Variants in MIR2052HG observed in about 807,000 individuals in gnomAD.
The protein encoded by MIR2052HG is MIR2052 host gene.
chr8:74,705,165 T>C (rs1410009181), intron 4 of MIR2052HG, among the ~76,000 whole-genome samples: 1 of 152,022 alleles, frequency 6.6e-6, no homozygotes, highest in Non-Finnish European at 1.5e-5. Context: ...TTTTGATTTC[T>C]AATTCAGACA....
At chr8:74,674,790 A>C (rs977668460) in intron 2 of MIR2052HG, among the ~76,000 whole-genome samples, 1 of 151,870 alleles carries the variant, frequency 6.6e-6, no homozygotes, top group Admixed American at 6.6e-5. Context: ...CCTGTTAATT[A>C]CTATACATTA....
At chr8:74,601,911 A>C (rs1487991554) in intron 1 of MIR2052HG, among the ~76,000 whole-genome samples, 1 of 152,222 alleles carries the variant, frequency 6.6e-6, no homozygotes, top group African/African-American at 2.4e-5. Flanking sequence ...TCCAAGTGAA[A>C]AGCAGATTAT....
intron 4 of MIR2052HG, among the ~76,000 whole-genome samples, chr8:74,715,938 A>G (rs193060094): frequency 1.3e-5 from 2 of 152,344 alleles, no homozygotes; most frequent in Admixed American, 6.5e-5. Context: ...TCAACTCTAA[A>G]TAATTTCTAA....
At position 74,666,195 on chromosome 8, in the gene MIR2052HG, T is replaced by C. The variant is rs561574036; in HGVS notation, n.217-36184T>C. On this transcript the variant is annotated intron_variant and non_coding_transcript_variant, in intron 2 of 6. Coordinates refer to ENST00000523442, the Ensembl canonical transcript of MIR2052HG. ...TCCTGATTTAGCCTCCTGACCAGTA[T>C]CCCTGGTTACCTCTTTTTTTTTCTC... Among the ~76,000 whole-genome samples, 194 of 152,188 alleles carry C rather than the reference T, an allele frequency of 1.3e-3. 1 individual carries two copies. Among genetic ancestry groups the C allele is most frequent in the African/African-American group, 4.5e-3 (186 of 41,478 alleles).
chr8:74,602,550 T>C (rs1808017110), intron 1 of MIR2052HG, among the ~76,000 whole-genome samples: 1 of 151,708 alleles, frequency 6.6e-6, no homozygotes, highest in African/African-American at 2.4e-5. Flanking sequence ...CTTGCTCCAT[T>C]GCCCAGGCTG....
intron 4 of MIR2052HG, among the ~76,000 whole-genome samples, chr8:74,736,551 A>C (rs940399847): frequency 3.9e-5 from 6 of 152,206 alleles, no homozygotes; most frequent in Non-Finnish European, 7.3e-5. Context: ...TACATTTCTC[A>C]GGGAAGGCCG....
chr8:74,645,261 G>A (rs901236493), intron 2 of MIR2052HG, among the ~76,000 whole-genome samples: 4 of 151,898 alleles, frequency 2.6e-5, no homozygotes, highest in African/African-American at 9.7e-5. Flanking sequence ...GCACCATCGA[G>A]TTCATAGAAG....
intron 2 of MIR2052HG, among the ~76,000 whole-genome samples, chr8:74,658,108 T>A (rs1808825170): frequency 6.6e-6 from 1 of 152,158 alleles, no homozygotes; most frequent in Admixed American, 6.5e-5. Context: ...TTGAACACCA[T>A]TTTTCAAATA....
chr8:74,613,881 T>C (rs1808238242), intron 2 of MIR2052HG, among the ~76,000 whole-genome samples: 1 of 152,234 alleles, frequency 6.6e-6, no homozygotes, highest in African/African-American at 2.4e-5. Context: ...CAGAAGCTAC[T>C]GGCCATGAAT....
chr8:74,634,829 AG>A (rs938388279), intron 2 of MIR2052HG, among the ~76,000 whole-genome samples: 2 of 152,160 alleles, frequency 1.3e-5, no homozygotes, highest in African/African-American at 2.4e-5. Flanking sequence ...GCTTTATGCT[AG>A]TCATGCTAGA....
chr8:74,654,288 ATGAC>A (rs1267549100), intron 2 of MIR2052HG, among the ~76,000 whole-genome samples: 1 of 152,134 alleles, frequency 6.6e-6, no homozygotes, highest in Non-Finnish European at 1.5e-5. Context: ...AAAGGAGACT[ATGAC>A]TGACTGGCTG....
intron 4 of MIR2052HG, among the ~76,000 whole-genome samples, chr8:74,713,991 A>G (rs1465803066): frequency 6.6e-6 from 1 of 152,150 alleles, no homozygotes; most frequent in East Asian, 1.9e-4. Context: ...ATGAAATCCT[A>G]AGAGAGTCTC....
intron 1 of MIR2052HG, among the ~76,000 whole-genome samples, chr8:74,609,490 A>G (rs1377424488): frequency 6.6e-6 from 1 of 151,822 alleles, no homozygotes; most frequent in Non-Finnish European, 1.5e-5. Context: ...AAGATATTGC[A>G]AAGGAAGAAA....
intron 4 of MIR2052HG, among the ~76,000 whole-genome samples, chr8:74,735,279 G>A (rs1276664752): frequency 6.6e-6 from 1 of 152,144 alleles, no homozygotes; most frequent in African/African-American, 2.4e-5. Context: ...CATTGTAAGA[G>A]GCTGTTCTCA....
At chr8:74,667,407 T>C (rs908274767) in intron 2 of MIR2052HG, among the ~76,000 whole-genome samples, 6 of 152,192 alleles carry the variant, frequency 3.9e-5, no homozygotes, top group African/African-American at 1.4e-4. Context: ...TCTTGAAATT[T>C]AGCTGGTCCT....
At chr8:74,652,180 G>A (rs890688281) in intron 2 of MIR2052HG, among the ~76,000 whole-genome samples, 2 of 152,178 alleles carry the variant, frequency 1.3e-5, no homozygotes, top group African/African-American at 4.8e-5. Context: ...GCACTGGATT[G>A]TCAGTATTTA....
intron 4 of MIR2052HG, among the ~76,000 whole-genome samples, chr8:74,722,517 T>A (rs1465008692): frequency 6.6e-6 from 1 of 152,206 alleles, no homozygotes; most frequent in Non-Finnish European, 1.5e-5. Flanking sequence ...ACATTATACA[T>A]AATAAAATGT....
chr8:74,724,471 A>G (rs750109003), intron 4 of MIR2052HG, among the ~76,000 whole-genome samples: 1 of 152,214 alleles, frequency 6.6e-6, no homozygotes, highest in Non-Finnish European at 1.5e-5. Context: ...TTAGGCACCC[A>G]TTAAATTTGC....
At position 74,704,547 on chromosome 8, in the gene MIR2052HG, C is replaced by G. The variant is rs11988915; in HGVS notation, n.371+865C>G. Among the ~76,000 whole-genome samples, 131 of 152,084 alleles carry G rather than the reference C, an allele frequency of 8.6e-4. 1 individual carries two copies. The highest frequency in any genetic ancestry group is 3.1e-3 in the African/African-American group (127 of 41,536). ...TCAGCCCTCAGACTTTCCCCTTTTTCTTTTTACTAAATCTGATGCCTACAG... is the reference window on the plus strand; with the variant it reads ...TCAGCCCTCAGACTTTCCCCTTTTTGTTTTTACTAAATCTGATGCCTACAG... On this transcript the variant is annotated intron_variant and non_coding_transcript_variant, in intron 4 of 6. Coordinates refer to ENST00000523442, the Ensembl canonical transcript of MIR2052HG.
Sources: gnomAD v4.1 joint callset for allele counts (sites outside exome capture counted in the v4.1 genomes callset) on GRCh38, gnomAD v4.1.1 for gene constraint, MANE v1.5 for transcripts, NCBI Gene and HGNC (gene_info 2026-07-23, HGNC 2026-07-21) for gene names.